Variants in MKKS observed in about 807,000 individuals in gnomAD.
The protein encoded by MKKS is MKKS centrosomal shuttling protein.
Under a neutral mutation model 33.2 loss-of-function variants are expected in MKKS, and 29 were observed. The observed-to-expected ratio is 0.87, with a 90% CI of 0.65 to 1.19. The LOEUF (loss-of-function observed/expected upper bound fraction) is 1.19, where lower values mean the gene tolerates loss of function less well. MKKS is among the 50% of genes most tolerant of loss of function. The pLI, the probability that MKKS is intolerant of heterozygous loss-of-function variation, is 0.00. For synonymous variants in MKKS, 260 were observed against 244.0 expected, an observed-to-expected ratio of 1.07 and a Z score of -0.61; for missense variants, 661 against 662.3, an observed-to-expected ratio of 1.00 and a Z score of 0.02.
intron 1 of MKKS, among the ~76,000 whole-genome samples, chr20:10,433,181 C>T (rs1600864517): frequency 6.6e-6 from 1 of 152,194 alleles, no homozygotes; most frequent in Non-Finnish European, 1.5e-5. Context: ...TTTTTTTGTA[C>T]TTTTAGCAGA....
At chr20:10,420,018 T>A (rs952436238) in intron 2 of MKKS, among the ~76,000 whole-genome samples, 2 of 152,212 alleles carry the variant, frequency 1.3e-5, no homozygotes, top group African/African-American at 4.8e-5. Flanking sequence ...GTTTTGGTTT[T>A]GAGAACTTTT....
intron 1 of MKKS, among the ~76,000 whole-genome samples, chr20:10,426,880 G>T (rs1401324280): frequency 6.6e-6 from 1 of 152,110 alleles, no homozygotes; most frequent in Non-Finnish European, 1.5e-5. Context: ...AGATTAGCTG[G>T]GTTAGTTCAG....
At chr20:10,411,289 TG>T (rs1276445758) in intron 3 of MKKS, among the ~76,000 whole-genome samples, 1 of 152,036 alleles carries the variant, frequency 6.6e-6, no homozygotes, top group African/African-American at 2.4e-5. Flanking sequence ...CAGCCCTTTC[TG>T]TTTTTTTAGA....
At chr20:10,414,339 C>G (rs2064921529) in intron 2 of MKKS, among the ~76,000 whole-genome samples, 1 of 146,354 alleles carries the variant, frequency 6.8e-6, no homozygotes, top group Admixed American at 7.0e-5. Flanking sequence ...GATCTTGGCT[C>G]ACCACAACCT....
intron 2 of MKKS, among the ~76,000 whole-genome samples, chr20:10,414,263 G>GTTTT (rs1887251828): frequency 3.0e-5 from 4 of 133,714 alleles, no homozygotes; most frequent in Non-Finnish European, 3.1e-5. Context: ...AGGTCTCTGA[G>GTTTT]TCTTTTTTTT....
intron 2 of MKKS, among the ~76,000 whole-genome samples, chr20:10,417,245 TAAAA>T (rs60367709): frequency 1.5e-5 from 2 of 132,408 alleles, no homozygotes; most frequent in African/African-American, 2.8e-5. Flanking sequence ...GACTCCATCT[TAAAA>T]AAAAAAAAAA....
chr20:10,419,889 G>T (rs1316768379), intron 2 of MKKS, among the ~76,000 whole-genome samples: 1 of 152,182 alleles, frequency 6.6e-6, no homozygotes, highest in Non-Finnish European at 1.5e-5. Flanking sequence ...GACTAGGGTT[G>T]ACTGCAGGTA....
intron 5 of MKKS, among the ~76,000 whole-genome samples, 162 bp from the exon 6 acceptor site, chr20:10,405,849 G>A (rs770694921): frequency 1.3e-4 from 20 of 152,068 alleles, no homozygotes; most frequent in Non-Finnish European, 2.6e-4. Context: ...TGGGTCAGCC[G>A]GCCGGGTTGC....
At chr20:10,422,151 T>C (rs553205088) in intron 1 of MKKS, among the ~76,000 whole-genome samples, 34 of 152,284 alleles carry the variant, frequency 2.2e-4, no homozygotes, top group Non-Finnish European at 4.1e-4. Context: ...CTTATAGCTA[T>C]GAACATGTTA....
intron 1 of MKKS, among the ~76,000 whole-genome samples, chr20:10,422,001 T>G (rs1029065836): frequency 6.6e-6 from 1 of 152,240 alleles, no homozygotes; most frequent in Middle Eastern, 3.4e-3. Context: ...TACTTTATTT[T>G]TGTCTAAATG....
At chr20:10,418,078 TAA>T (rs2064953056) in intron 2 of MKKS, among the ~76,000 whole-genome samples, 1 of 152,326 alleles carries the variant, frequency 6.6e-6, no homozygotes, top group Admixed American at 6.5e-5. Context: ...AAATTGTAGG[TAA>T]AGAGTCACTG....
intron 2 of MKKS, 23 bp from the exon 3 acceptor site, chr20:10,413,954 T>C: frequency 9.9e-6 from 4 of 404,326 alleles, no homozygotes; most frequent in Non-Finnish European, 1.7e-5. Context: ...AAAAAAAACA[T>C]TTTAGAGAAA....
At position 10,403,254 on chromosome 20, in the gene MKKS, G is replaced by T. The variant is rs2064820092; in HGVS notation, c.*1993C>A. 6.6e-6 allele frequency: 1 copy of T among 152,184 alleles called. No homozygotes were observed. Among genetic ancestry groups the T allele is most frequent in the East Asian group, 1.9e-4 (1 of 5,198 alleles). 9.4% of individuals were successfully genotyped at this position (152,184 alleles called of 1,614,324 possible). A position where few individuals can be genotyped will look rare whatever the true frequency, so the allele number is the denominator to read the frequency against. On this transcript the variant is annotated 3_prime_UTR_variant, in exon 6 of 6. Coordinates refer to ENST00000347364, the MANE Select transcript of MKKS (RefSeq NM_170784.3). ...ATCTTTTTACCACCAAATATCAGAA[G>T]TGATATCCTGTCCCTTCTGCTGTAT...
chr20:10,433,642 ACG>A (rs906766121), intron 1 of MKKS, among the ~76,000 whole-genome samples: 7 of 152,086 alleles, frequency 4.6e-5, no homozygotes, highest in Admixed American at 4.6e-4. Context: ...GGCTGCTTTC[ACG>A]TAGCTGGCAG....
Position 10,404,121 on chromosome 20 carries a change from C to T in MKKS, c.*1126G>A, listed in dbSNP as rs551899508. 4 of 152,230 alleles carry T rather than the reference C, an allele frequency of 2.6e-5. No individual in the cohort carries two copies. In the South Asian group the frequency reaches 8.3e-4, roughly 32 times the overall value. The allele number at this position is 152,230 out of a possible 1,614,324, so 9.4% of individuals were successfully genotyped here. A position where few individuals can be genotyped will look rare whatever the true frequency, so the allele number is the denominator to read the frequency against. ...CATGTGGCTGCCTTCTATATTTCTT[C>T]TTCAATTTATCAATACATCTTATAT... On this transcript the variant is annotated 3_prime_UTR_variant, in exon 6 of 6. Transcript: ENST00000347364.
intron 4 of MKKS, 89 bp from the exon 5 acceptor site, chr20:10,407,815 A>C: frequency 1.0e-6 from 1 of 974,242 alleles, no homozygotes. Context: ...TAGTGAATAC[A>C]GAGAGTGTGA....
intron 3 of MKKS, 100 bp downstream of exon 3, chr20:10,412,430 A>G (rs2064895866): frequency 2.5e-6 from 3 of 1,216,156 alleles, no homozygotes; most frequent in Admixed American, 3.4e-5. Context: ...TGCTGGGTCA[A>G]TTTTTCAAGA....
chr20:10,431,508 C>G (rs2065053440), intron 1 of MKKS, among the ~76,000 whole-genome samples: 1 of 150,132 alleles, frequency 6.7e-6, no homozygotes, highest in South Asian at 2.1e-4. Flanking sequence ...AAACATAACT[C>G]AATGCTGTAT....
At position 10,408,660 on chromosome 20, in the gene MKKS, T is replaced by C. The variant is rs754207459; in HGVS notation, c.1129A>G (p.Asn377Asp). The stretch of plus-strand genomic sequence containing the variant: ...TCATCCCAGGCAGTGTCATTTCTGT[T>C]GCAGAGAAGCAAGCTGCAGATTGTT... The part of the protein sequence containing the change: ...EATICSLLLC[N>D]RNDTAWDELK... Residue 377 changes from asparagine (N) to aspartate (D), a missense_variant, in exon 4 of 6, where the codon AAC (asparagine) becomes GAC (aspartate). By Grantham distance (23) the Asn-to-Asp change is conservative (BLOSUM62 1). Transcript: ENST00000347364. 1.3e-4 allele frequency: 211 copies of C among 1,613,972 alleles called. No homozygotes were observed. The highest frequency in any genetic ancestry group is 1.7e-4 in the Non-Finnish European group (198 of 1,180,012).
Sources: gnomAD v4.1 joint callset for allele counts (sites outside exome capture counted in the v4.1 genomes callset) on GRCh38, gnomAD v4.1.1 for gene constraint, MANE v1.5 for transcripts, NCBI Gene and HGNC (gene_info 2026-07-23, HGNC 2026-07-21) for gene names.